The following E2F3 variants were observed in gnomAD, a reference collection of about 807,000 sequenced individuals.
E2F3 encodes the protein transcription factor E2F3.
E2F3 carries 11 observed loss-of-function variants against 44.4 expected under a neutral mutation model. The ratio of observed to expected loss-of-function variants is 0.25; its 90% CI spans 0.16 to 0.41. The LOEUF (loss-of-function observed/expected upper bound fraction) is 0.41, where lower values mean the gene tolerates loss of function less well. Ranked by LOEUF, E2F3 falls within the 10% of genes least tolerant of loss-of-function variation. The pLI is 1.00. For missense variants in E2F3, 487 were observed against 583.6 expected (o/e 0.83, Z 1.70); for synonymous variants, 249 against 253.0 (o/e 0.98, Z 0.15).
At chr6:20,403,244 A>T (rs907883018) in intron 1 of E2F3, among the ~76,000 whole-genome samples, 1 of 151,930 alleles carries the variant, frequency 6.6e-6, no homozygotes, top group Non-Finnish European at 1.5e-5. Flanking sequence ...GTGGGGCTGG[A>T]AGCCGGGTGC....
chr6:20,481,435 A>C lies in E2F3; in HGVS notation c.725+10A>C. On this transcript the variant is annotated intron_variant, in intron 3 of 6. Transcript: ENST00000346618. ...ACAACGTCCAATGGATGTGAGTAGG[A>C]GTCCTCCCCATGCCCCGGCTCTGAG... 1.9e-6 allele frequency: 3 copies of C among 1,613,382 alleles called. No individual in the cohort carries two copies. The highest frequency in any genetic ancestry group is 1.7e-6 in the Non-Finnish European group (2 of 1,179,506).
chr6:20,446,977 GT>G (rs1760966639), intron 1 of E2F3, among the ~76,000 whole-genome samples: 1 of 152,174 alleles, frequency 6.6e-6, no homozygotes. Context: ...CAATGTCACT[GT>G]TTTACTGCAT....
At chr6:20,466,487 T>A (rs1761714530) in intron 1 of E2F3, among the ~76,000 whole-genome samples, 1 of 152,212 alleles carries the variant, frequency 6.6e-6, no homozygotes, top group African/African-American at 2.4e-5. Flanking sequence ...TTGATTTGCA[T>A]TTCCCTGATC....
intron 1 of E2F3, among the ~76,000 whole-genome samples, chr6:20,405,829 G>A (rs1759476989): frequency 1.3e-5 from 2 of 152,038 alleles, no homozygotes; most frequent in African/African-American, 2.4e-5. Context: ...CTCAAAAAAG[G>A]AGCTGTTTCT....
In E2F3 at chr6:20,488,185, C is replaced by T; in HGVS notation, c.1072C>T (p.His358Tyr). 1.2e-6 allele frequency: 2 copies of T among 1,613,262 alleles called. No homozygotes were observed. The highest frequency in any genetic ancestry group is 1.7e-6 in the Non-Finnish European group (2 of 1,179,812). ...VYLCPEETETHSPMKTNNQDH... is the reference protein window; with the variant it reads ...VYLCPEETETYSPMKTNNQDH... ...CTTATGTCCAGAAGAGACTGAAACACACAGTCCAATGAAAACAAACAACCA... is the reference window on the plus strand; with the variant it reads ...CTTATGTCCAGAAGAGACTGAAACATACAGTCCAATGAAAACAAACAACCA... The change falls in exon 6 of 7, where the codon CAC becomes TAC. Residue 358 changes from histidine (H) to tyrosine (Y), a missense_variant. Coordinates refer to ENST00000346618, the MANE Select transcript of E2F3 (RefSeq NM_001949.5).
intron 1 of E2F3, among the ~76,000 whole-genome samples, chr6:20,431,642 C>T (rs1760404377): frequency 6.6e-6 from 1 of 151,992 alleles, no homozygotes; most frequent in African/African-American, 2.4e-5. Context: ...AGAATGAAGC[C>T]CCTGTTACCT....
rs144083937 is a variant in E2F3, at chr6:20,493,263, C to T, written c.*2833C>T. 1,026 of 223,824 alleles carry T rather than the reference C, an allele frequency of 4.6e-3. 9 individuals are homozygous for T. The highest frequency in any genetic ancestry group is 0.022 in the African/African-American group (967 of 44,776). The allele number at this position is 223,824 out of a possible 1,614,324, so 13.9% of individuals were successfully genotyped here. The stretch of plus-strand genomic sequence containing the variant: ...GGCTCTTGTTTTCATTTTTGTTGTA[C>T]GTGTAGATCTGTAAATAAAATTGCA... On this transcript the variant is annotated 3_prime_UTR_variant, in exon 7 of 7. Coordinates refer to ENST00000346618, the MANE Select transcript of E2F3 (RefSeq NM_001949.5).
At chr6:20,428,353 A>C (rs1197158513) in intron 1 of E2F3, among the ~76,000 whole-genome samples, 1 of 151,926 alleles carries the variant, frequency 6.6e-6, no homozygotes, top group Non-Finnish European at 1.5e-5. Context: ...CCTCCCAAGT[A>C]GTGGGATTAT....
At chr6:20,403,670 G>A in intron 1 of E2F3, 1 of 482,066 alleles carries the variant, frequency 2.1e-6, no homozygotes, top group African/African-American at 2.1e-5. Context: ...CCTCGCACCC[G>A]CCCCCGGCAC....
In E2F3 at chr6:20,490,533, G is replaced by A; in HGVS notation, c.*103G>A. 1.7e-6 allele frequency: 2 copies of A among 1,203,376 alleles called. No homozygotes were observed. The highest frequency in any genetic ancestry group is 2.0e-5 in the South Asian group (1 of 49,280). The allele number at this position is 1,203,376 out of a possible 1,614,324, so 74.5% of individuals were successfully genotyped here. On this transcript the variant is annotated 3_prime_UTR_variant, in exon 7 of 7. Transcript: ENST00000346618. This position sits in a 1 kb window ranked among gnomAD's most constrained non-coding sequence, Gnocchi z 4.3. ...CCCTTCCTACCTTCTTCCTCCAAGA[G>A]AGTATCATGAAGTAAACTACAAACT...
chr6:20,446,211 A>G (rs190175137), intron 1 of E2F3, among the ~76,000 whole-genome samples: 3 of 152,300 alleles, frequency 2.0e-5, no homozygotes, highest in Admixed American at 1.3e-4. Context: ...CTGTAGTTAC[A>G]AATTGGTTAT....
At chr6:20,455,018 A>G (rs896918370) in intron 1 of E2F3, among the ~76,000 whole-genome samples, 1 of 152,174 alleles carries the variant, frequency 6.6e-6, no homozygotes, top group Admixed American at 6.6e-5. Context: ...GACAATGTAT[A>G]TCGAAGTTAG....
intron 1 of E2F3, among the ~76,000 whole-genome samples, chr6:20,415,636 A>G (rs1357170949): frequency 2.0e-5 from 3 of 152,224 alleles, no homozygotes; most frequent in Non-Finnish European, 4.4e-5. Flanking sequence ...CCTCTTCTAT[A>G]TATAGTACAT....
At chr6:20,454,390 C>T (rs1196139465) in intron 1 of E2F3, among the ~76,000 whole-genome samples, 5 of 152,150 alleles carry the variant, frequency 3.3e-5, no homozygotes, top group East Asian at 1.9e-4. Context: ...GCCTTGTGGG[C>T]GGATGGGTTT....
intron 1 of E2F3, among the ~76,000 whole-genome samples, chr6:20,474,627 T>TG (rs1581645018): frequency 6.6e-6 from 1 of 152,194 alleles, no homozygotes; most frequent in Non-Finnish European, 1.5e-5. Flanking sequence ...TCTACCCTGG[T>TG]GCTCAGCCCA....
At chr6:20,450,306 A>G (rs907112512) in intron 1 of E2F3, among the ~76,000 whole-genome samples, 1 of 152,148 alleles carries the variant, frequency 6.6e-6, no homozygotes, top group Admixed American at 6.5e-5. Context: ...TTGTTTAATA[A>G]TAGACATTCT....
At chr6:20,439,750 T>C (rs1356154287) in intron 1 of E2F3, among the ~76,000 whole-genome samples, 1 of 152,126 alleles carries the variant, frequency 6.6e-6, no homozygotes, top group Non-Finnish European at 1.5e-5. Flanking sequence ...CAGGCTGGTG[T>C]CAAACTCCTG....
intron 1 of E2F3, among the ~76,000 whole-genome samples, chr6:20,432,609 T>C (rs1760445124): frequency 1.3e-5 from 2 of 152,226 alleles, no homozygotes; most frequent in South Asian, 4.1e-4. Flanking sequence ...AGATGATTTA[T>C]GGAACAGCTT....
chr6:20,444,273 A>T (rs4712498), intron 1 of E2F3, among the ~76,000 whole-genome samples: 128,390 of 151,970 alleles, frequency 0.84, 55,171 homozygotes, highest in East Asian at 0.94. Flanking sequence ...GTATATTGTA[A>T]GTTGTAGGTA....
Sources: allele counts gnomAD v4.1 joint callset (sites outside exome capture counted in the v4.1 genomes callset), GRCh38; gene constraint gnomAD v4.1.1; non-coding constraint Gnocchi (gnomAD v3.1); transcripts MANE v1.5; gene names NCBI Gene and HGNC (gene_info 2026-07-23, HGNC 2026-07-21).